The following CYB5R2 variants were observed in gnomAD, a reference collection of about 807,000 sequenced individuals.
The protein encoded by CYB5R2 is cytochrome b5 reductase 2.
Under a neutral mutation model 29.8 loss-of-function variants are expected in CYB5R2, and 35 were observed. The ratio of observed to expected loss-of-function variants is 1.17; its 90% CI spans 0.90 to 1.56. The LOEUF (loss-of-function observed/expected upper bound fraction) is 1.56. CYB5R2 is among the 40% of genes most tolerant of loss of function. The pLI, the probability that CYB5R2 is intolerant of heterozygous loss-of-function variation, is 0.00. For synonymous variants in CYB5R2, 169 were observed against 130.6 expected (o/e 1.29, Z -2.01); for missense variants, 419 against 346.7 (o/e 1.21, Z -1.66).
chr11:7,667,005 G>A (rs930868420), intron 7 of CYB5R2: 5 of 152,740 alleles, frequency 3.3e-5, no homozygotes, highest in African/African-American at 1.2e-4. Flanking sequence ...TGAAGGAGAG[G>A]AAAACAGTCT....
Position 7,672,790 on chromosome 11 carries a change from C to G in CYB5R2, c.36G>C (p.Gln12His). 1 of 1,614,178 alleles carries G rather than the reference C, an allele frequency of 6.2e-7. No individual in the cohort carries two copies. Among genetic ancestry groups the G allele is most frequent in the Non-Finnish European group, 8.5e-7 (1 of 1,180,038 alleles). ...NSRRREPITL[Q>H]DPEAKYPLPL... ...GCAGCGGGTACTTGGCTTCAGGGTC[C>G]TGTAAGGTGATTGGCTCTCTCCTCC... Residue 12 changes from glutamine (Q) to histidine (H), a missense_variant, in exon 2 of 9, where the codon CAG becomes CAC. Transcript: ENST00000299498.
chr11:7,671,777 T>G (rs1855756645), intron 3 of CYB5R2: 1 of 152,220 alleles, frequency 6.6e-6, no homozygotes, highest in Non-Finnish European at 1.5e-5. Flanking sequence ...CTAGCAGTTT[T>G]CTACTGCACT....
chr11:7,665,205 C>A lies in CYB5R2; in HGVS notation c.*169G>T, dbSNP rs1254062005. 2.0e-5 allele frequency: 11 copies of A among 538,856 alleles called. No homozygotes were observed. The highest frequency in any genetic ancestry group is 9.7e-5 in the African/African-American group (5 of 51,444). 33.4% of individuals were successfully genotyped at this position (538,856 alleles called of 1,614,324 possible). On this transcript the variant is annotated 3_prime_UTR_variant, in exon 9 of 9. Transcript: ENST00000299498. ...GGAGGCCCCAGCAGCCAGTCTCCAG[C>A]CCCTTGAGCCCTTTTTGTTAGGCCC...
At position 7,669,178 on chromosome 11, in the gene CYB5R2, G is replaced by C. The variant is rs959243247; in HGVS notation, c.388+27C>G. Reference sequence around the variant, plus strand: ...TTGCAGGAATCTTCCTCCCAGCTGGGAGCCCAAGTATTAACCCCTCCAGTA... The same window carrying C: ...TTGCAGGAATCTTCCTCCCAGCTGGCAGCCCAAGTATTAACCCCTCCAGTA... On this transcript the variant is annotated intron_variant, in intron 5 of 8. Coordinates refer to ENST00000299498, the MANE Select transcript of CYB5R2 (RefSeq NM_016229.5). 10 of 1,613,896 alleles carry C rather than the reference G, an allele frequency of 6.2e-6. No homozygotes were observed. The African/African-American group carries it at 8.0e-5, about 13-fold the overall frequency.
At chr11:7,665,955 G>A in intron 8 of CYB5R2, 1 of 1,527,782 alleles carries the variant, frequency 6.5e-7, no homozygotes, top group Non-Finnish European at 8.8e-7. Flanking sequence ...TGACAAGCAG[G>A]TACAGCCGGG....
intron 1 of CYB5R2, 175 bp from the exon 2 acceptor site, chr11:7,673,066 A>T (rs1239693217): frequency 5.1e-6 from 3 of 588,734 alleles, no homozygotes; most frequent in East Asian, 7.1e-5. Flanking sequence ...CCTGTCGTGG[A>T]CCAGAGGGTA....
At chr11:7,666,307 T>A in intron 8 of CYB5R2, 144 bp downstream of exon 8, 1 of 621,912 alleles carries the variant, frequency 1.6e-6, no homozygotes, top group Non-Finnish European at 2.9e-6. Flanking sequence ...TTTCTCACAT[T>A]TCCCATCTGG....
Position 7,665,243 on chromosome 11 carries a change from G to T in CYB5R2, c.*131C>A, listed in dbSNP as rs1855033637. The T allele has an allele frequency of 2.6e-6, 2 of 767,482 alleles. No homozygotes were observed. Among genetic ancestry groups the T allele is most frequent in the Admixed American group, 3.6e-5 (1 of 28,104 alleles). The allele number at this position is 767,482 out of a possible 1,614,324, so 47.5% of individuals were successfully genotyped here. ...TTTTGTTAGGCCCACACCCAAAAGA[G>T]GAGAACCAGTGTGTGCGCGAAGGTA... On this transcript the variant is annotated 3_prime_UTR_variant, in exon 9 of 9. Transcript: ENST00000299498.
At chr11:7,668,430 TG>T (rs1565152109) in intron 6 of CYB5R2, 47 bp downstream of exon 6, 1 of 1,406,604 alleles carries the variant, frequency 7.1e-7, no homozygotes, top group Non-Finnish European at 1.0e-6. Flanking sequence ...CAAGTCAGAA[TG>T]GGTCTCGGGG....
At chr11:7,669,535 G>T in intron 4 of CYB5R2, 90 bp downstream of exon 4, 1 of 1,238,378 alleles carries the variant, frequency 8.1e-7, no homozygotes. Context: ...GGGCATATGT[G>T]CCCTCAGAGA....
At chr11:7,669,362 C>G in intron 4 of CYB5R2, 28 bp from the exon 5 acceptor site, 1 of 1,590,736 alleles carries the variant, frequency 6.3e-7, no homozygotes, top group Non-Finnish European at 8.6e-7. Context: ...ACTGCTTTCA[C>G]ATTCCCAGAC....
Position 7,669,744 on chromosome 11 carries a change from C to T in CYB5R2, c.152-13G>A, listed in dbSNP as rs1565154527. 16 of 1,584,520 alleles carry T rather than the reference C, an allele frequency of 1.0e-5. No homozygotes were observed. Among genetic ancestry groups the T allele is most frequent in the African/African-American group, 1.3e-5 (1 of 74,292 alleles). On this transcript the variant is annotated splice_polypyrimidine_tract_variant and intron_variant, in intron 3 of 8. Coordinates refer to ENST00000299498, the MANE Select transcript of CYB5R2 (RefSeq NM_016229.5). The stretch of plus-strand genomic sequence containing the variant: ...TGGACATAGTTACCTATAGAAAAGG[C>T]ATCAAGCACTGAGTCAAAGCATATT...
At chr11:7,673,673 A>G (rs1855903202), upstream of CYB5R2, 1 of 985,212 alleles carries the variant, frequency 1.0e-6, no homozygotes, top group Non-Finnish European at 1.2e-6. Flanking sequence ...CCCGACGGAG[A>G]TATTTCTTCA....
chr11:7,669,064 G>T, intron 5 of CYB5R2, 141 bp downstream of exon 5: 1 of 1,043,020 alleles, frequency 9.6e-7, no homozygotes, highest in Non-Finnish European at 1.5e-6. Context: ...TAACAAGTGT[G>T]ATCATTATGC....
upstream of CYB5R2, chr11:7,674,192 G>A: frequency 7.9e-7 from 1 of 1,260,356 alleles, no homozygotes; most frequent in Non-Finnish European, 1.0e-6. Context: ...TCAGGCAGCT[G>A]CAAAGAGCGC....
chr11:7,672,163 C>A (rs1346209812), intron 3 of CYB5R2: 1 of 397,420 alleles, frequency 2.5e-6, no homozygotes, highest in East Asian at 4.0e-5. Flanking sequence ...CCCTTAAGTT[C>A]CCCAGCAAGG....
intron 6 of CYB5R2, 90 bp from the exon 7 acceptor site, chr11:7,667,903 C>T: frequency 9.8e-7 from 1 of 1,022,296 alleles, no homozygotes; most frequent in South Asian, 1.3e-5. Flanking sequence ...CTTCCCCCAG[C>T]CCAAGTTATC....
At position 7,669,327 on chromosome 11, in the gene CYB5R2, A is replaced by G; in HGVS notation, c.266T>C (p.Phe89Ser). The G allele has an allele frequency of 6.2e-7, 1 of 1,610,992 alleles. No homozygotes were observed. ...AGGATATTGGGGGTGTACATTTTTG[A>G]AGTAGATCTGAAAAGCAAGGCAGCA... ...GFVDLIIKIY[F>S]KNVHPQYPEG... The change falls in exon 5 of 9, where the codon TTC (phenylalanine) becomes TCC (serine). Residue 89 changes from phenylalanine to serine, a missense_variant. Transcript: ENST00000299498.
At chr11:7,667,458 C>G (rs1438362070) in intron 7 of CYB5R2, 2 of 311,018 alleles carry the variant, frequency 6.4e-6, no homozygotes, top group African/African-American at 4.3e-5. Flanking sequence ...TGATTTTACA[C>G]TTAGCAAAAA....
Sources: gnomAD v4.1 joint callset for allele counts on GRCh38, gnomAD v4.1.1 for gene constraint, MANE v1.5 for transcripts, NCBI Gene and HGNC (gene_info 2026-07-23, HGNC 2026-07-21) for gene names.